UBE2D2: variants seen among roughly 807,000 people sequenced by gnomAD.
UBE2D2 encodes ubiquitin conjugating enzyme E2 D2.
In UBE2D2, 2 loss-of-function variants were observed where a neutral mutation model predicts 24.2. The ratio of observed to expected loss-of-function variants is 0.08; its 90% confidence interval spans 0.03 to 0.26. UBE2D2 has a LOEUF of 0.26. UBE2D2 is among the 10% of genes least tolerant of loss of function. The pLI is 1.00. For synonymous variants in UBE2D2, 58 were observed against 56.5 expected (o/e 1.03, Z -0.12); for missense variants, 44 against 177.6 (o/e 0.25, Z 4.28).
chr5:139,535,444 C>T (rs988186854), intron 1 of UBE2D2, among the ~76,000 whole-genome samples: 27 of 145,006 alleles, frequency 1.9e-4, no homozygotes, highest in African/African-American at 5.9e-4. Flanking sequence ...AGCGAGACTC[C>T]GTCTCAAAAA....
At chr5:139,530,132 G>A (rs1361448188) in intron 1 of UBE2D2, among the ~76,000 whole-genome samples, 1 of 152,190 alleles carries the variant, frequency 6.6e-6, no homozygotes, top group East Asian at 1.9e-4. Context: ...CACAAAAACA[G>A]TTACATGGTA....
At chr5:139,564,468 T>G (rs1396296711) in intron 1 of UBE2D2, among the ~76,000 whole-genome samples, 7 of 151,848 alleles carry the variant, frequency 4.6e-5, no homozygotes, top group Admixed American at 4.6e-4. Flanking sequence ...CTTTTTTTTT[T>G]TTGGAGACGG....
intron 1 of UBE2D2, among the ~76,000 whole-genome samples, chr5:139,574,422 C>T (rs551124020): frequency 2.6e-5 from 4 of 151,992 alleles, no homozygotes; most frequent in South Asian, 2.1e-4. Flanking sequence ...TCATGTTCTC[C>T]GGTCTTTGTT....
chr5:139,574,232 G>C (rs1325413652), intron 1 of UBE2D2, among the ~76,000 whole-genome samples: 2 of 134,532 alleles, frequency 1.5e-5, no homozygotes, highest in African/African-American at 5.6e-5. Context: ...AGTGAGCTGA[G>C]ATTGCACACT....
chr5:139,598,703 G>A (rs1418664619), intron 1 of UBE2D2, among the ~76,000 whole-genome samples: 1 of 151,162 alleles, frequency 6.6e-6, no homozygotes, highest in Non-Finnish European at 1.5e-5. Flanking sequence ...TGGGATTACA[G>A]GCGTGTGCCA....
chr5:139,574,983 A>G (rs186488847), intron 1 of UBE2D2, among the ~76,000 whole-genome samples: 1 of 152,216 alleles, frequency 6.6e-6, no homozygotes, highest in Non-Finnish European at 1.5e-5. Context: ...ATACTTAGAA[A>G]CAACTCAGAT....
At chr5:139,527,291 C>A (rs965596386) in intron 1 of UBE2D2, among the ~76,000 whole-genome samples, 12 of 152,142 alleles carry the variant, frequency 7.9e-5, no homozygotes, top group Non-Finnish European at 1.3e-4. Context: ...CCCCCTTCCC[C>A]CTCTCCCCAC....
At chr5:139,538,349 T>C (rs1445875547) in intron 1 of UBE2D2, among the ~76,000 whole-genome samples, 1 of 152,110 alleles carries the variant, frequency 6.6e-6, no homozygotes, top group African/African-American at 2.4e-5. Flanking sequence ...GCAGCATTAC[T>C]CACAATAGCC....
chr5:139,600,839 C>T lies in UBE2D2; in HGVS notation c.88+404C>T, dbSNP rs191733652. On this transcript the variant is annotated intron_variant, in intron 2 of 6. Coordinates refer to ENST00000398733, the MANE Select transcript of UBE2D2 (RefSeq NM_003339.3). ...TTCTTGAGACAGGGTCTCGCTCTGT[C>T]AAGCCCGGGCTGGAGTGCAGTGGCG... 2.6e-4 allele frequency among the ~76,000 whole-genome samples: 40 copies of T among 152,230 alleles called. 1 individual carries two copies. Among genetic ancestry groups the T allele is most frequent in the African/African-American group, 9.2e-4 (38 of 41,524 alleles).
At chr5:139,567,249 A>G (rs1488078504) in intron 1 of UBE2D2, among the ~76,000 whole-genome samples, 1 of 151,900 alleles carries the variant, frequency 6.6e-6, no homozygotes, top group Non-Finnish European at 1.5e-5. Context: ...ACAAGCTCGC[A>G]CCACCACGCC....
intron 1 of UBE2D2, among the ~76,000 whole-genome samples, chr5:139,594,984 G>A (rs1245423831): frequency 3.9e-5 from 6 of 152,114 alleles, no homozygotes; most frequent in South Asian, 2.1e-4. Context: ...TAAGTGCTCT[G>A]TAAATAGTTG....
chr5:139,542,749 T>C (rs1752775915), intron 1 of UBE2D2, among the ~76,000 whole-genome samples: 1 of 152,134 alleles, frequency 6.6e-6, no homozygotes, highest in Non-Finnish European at 1.5e-5. Context: ...ATAAACATAA[T>C]AAATATCCAT....
intron 1 of UBE2D2, among the ~76,000 whole-genome samples, chr5:139,568,549 T>G (rs1298962746): frequency 6.6e-6 from 1 of 151,930 alleles, no homozygotes; most frequent in Non-Finnish European, 1.5e-5. Flanking sequence ...TCCCAGCTAT[T>G]CGGGAGACTG....
At chr5:139,621,600 G>A (rs950518208) in intron 5 of UBE2D2, among the ~76,000 whole-genome samples, 1 of 151,754 alleles carries the variant, frequency 6.6e-6, no homozygotes, top group South Asian at 2.1e-4. Flanking sequence ...TTTTTGCTAA[G>A]AATATTCAGT....
chr5:139,623,761 G>A (rs1325117568), intron 6 of UBE2D2: 1 of 195,304 alleles, frequency 5.1e-6, no homozygotes, highest in East Asian at 1.1e-4. Flanking sequence ...GTGCAGTCTT[G>A]GCTCACTGCA....
intron 1 of UBE2D2, among the ~76,000 whole-genome samples, chr5:139,585,112 C>T (rs1753701001): frequency 6.6e-6 from 1 of 151,664 alleles, no homozygotes; most frequent in Non-Finnish European, 1.5e-5. Flanking sequence ...GTTGGTTAGG[C>T]TGGTCTCGAA....
In UBE2D2 at chr5:139,584,930, C is replaced by T. The variant is rs555320716; in HGVS notation, c.25-15442C>T. On this transcript the variant is annotated intron_variant, in intron 1 of 6. Coordinates refer to ENST00000398733, the MANE Select transcript of UBE2D2 (RefSeq NM_003339.3). The stretch of plus-strand genomic sequence containing the variant: ...TTTTTTTTTTTTTGAGACACAGGTT[C>T]GCTCTTGTTGCCCAGGCTGGAGTGC... Among the ~76,000 whole-genome samples, 324 of 145,578 alleles carry T rather than the reference C, an allele frequency of 2.2e-3. 1 individual carries two copies. The highest frequency in any genetic ancestry group is 7.7e-3 in the African/African-American group (302 of 39,244).
chr5:139,537,951 G>C lies in UBE2D2; in HGVS notation c.-64+11339G>C, dbSNP rs183357502. ...TGCACTCCATCCTGGGCAACAGAGC[G>C]AGACTCCGTCTCAAAAAAAAAAAAA... On this transcript the variant is annotated intron_variant, in intron 1 of 6. Transcript: ENST00000511725. Among the ~76,000 whole-genome samples, 425 of 141,358 alleles carry C rather than the reference G, an allele frequency of 3.0e-3. 4 individuals are homozygous for C. The highest frequency in any genetic ancestry group is 0.01 in the African/African-American group (348 of 34,780). The allele number at this position is 141,358 out of a possible 152,430, so 92.7% of individuals were successfully genotyped here.
chr5:139,610,505 A>G (rs1353392036), intron 2 of UBE2D2, among the ~76,000 whole-genome samples: 1 of 151,464 alleles, frequency 6.6e-6, no homozygotes, highest in Non-Finnish European at 1.5e-5. Flanking sequence ...ATGCCATTGC[A>G]CTCCAGCCTG....
Sources: gnomAD v4.1 joint callset for allele counts (sites outside exome capture counted in the v4.1 genomes callset) on GRCh38, gnomAD v4.1.1 for gene constraint, MANE v1.5 for transcripts, NCBI Gene and HGNC (gene_info 2026-07-23, HGNC 2026-07-21) for gene names.